RGS5: variants seen among roughly 807,000 people sequenced by gnomAD.
RGS5 encodes regulator of G protein signaling 5.
A neutral mutation model predicts 18.9 loss-of-function variants in RGS5; 20 were observed. That is an observed-to-expected ratio of 1.06 (90% CI 0.74 to 1.54). The LOEUF (loss-of-function observed/expected upper bound fraction) is 1.54. Ranked by LOEUF, RGS5 falls within the 40% of genes most tolerant of loss-of-function variation. The pLI, the probability that RGS5 is intolerant of heterozygous loss-of-function variation, is 0.00. For missense variants in RGS5, 201 were observed against 211.8 expected (o/e 0.95, Z 0.32); for synonymous variants, 57 against 76.2 (o/e 0.75, Z 1.31).
chr1:163,234,211 T>C (rs758358652), intron 2 of RGS5, among the ~76,000 whole-genome samples: 8 of 152,218 alleles, frequency 5.3e-5, no homozygotes, highest in Non-Finnish European at 1.2e-4. Flanking sequence ...ATAGATGTTC[T>C]TTACCAGATA....
At chr1:163,316,791 G>A (rs1650036838) in intron 1 of RGS5, among the ~76,000 whole-genome samples, 1 of 152,104 alleles carries the variant, frequency 6.6e-6, no homozygotes, top group Non-Finnish European at 1.5e-5. Flanking sequence ...TCAACAAAAA[G>A]AAAATTTCTT....
chr1:163,195,419 CA>C (rs1189305651), intron 1 of RGS5, among the ~76,000 whole-genome samples: 1 of 150,752 alleles, frequency 6.6e-6, no homozygotes, highest in Admixed American at 6.6e-5. Context: ...TGTGGGGAAT[CA>C]GGGGGCAAGG....
chr1:163,154,313 A>G (rs544311230), intron 3 of RGS5, among the ~76,000 whole-genome samples: 7 of 152,286 alleles, frequency 4.6e-5, no homozygotes, highest in South Asian at 4.1e-4. Context: ...TACCTCCTGT[A>G]TATTTTTACT....
rs957984895 is a variant in RGS5, at chr1:163,145,310, T to C, written c.*2032A>G. 2.6e-5 allele frequency: 4 copies of C among 152,208 alleles called. No individual in the cohort carries two copies. In the East Asian group the frequency reaches 5.8e-4, roughly 22 times the overall value. The allele number at this position is 152,208 out of a possible 1,614,324, so 9.4% of individuals were successfully genotyped here. ...CTTGAATTTTAAATAATTAAATTGTTTCTTCAAATGTTTTAGCGTTTATGA... is the reference window on the plus strand; with the variant it reads ...CTTGAATTTTAAATAATTAAATTGTCTCTTCAAATGTTTTAGCGTTTATGA... On this transcript the variant is annotated 3_prime_UTR_variant, in exon 5 of 5. Coordinates refer to ENST00000313961, the MANE Select transcript of RGS5 (RefSeq NM_003617.4).
In RGS5 at chr1:163,281,476, G is replaced by C. The variant is rs574038070; in HGVS notation, c.-281+24757C>G. Among the ~76,000 whole-genome samples the C allele has an allele frequency of 1.9e-4, 29 of 152,088 alleles. No individual in the cohort carries two copies. The South Asian group carries it at 2.1e-3, about 11-fold the overall frequency. On this transcript the variant is annotated intron_variant, in intron 2 of 5. Coordinates refer to the RGS5 transcript ENST00000618415. ...AGGAGCAAGAGAAAAGAGGACGAGG[G>C]GGCCAGCCAGGCTCCTTTAAACAAC...
chr1:163,207,121 C>A (rs952435174), upstream of RGS5, among the ~76,000 whole-genome samples: 2 of 152,036 alleles, frequency 1.3e-5, no homozygotes, highest in South Asian at 2.1e-4. Context: ...AAAGAGAAAA[C>A]CCTCTGATCA....
intron 2 of RGS5, among the ~76,000 whole-genome samples, chr1:163,293,498 C>G (rs1410978000): frequency 6.6e-6 from 1 of 152,168 alleles, no homozygotes; most frequent in Non-Finnish European, 1.5e-5. Context: ...CACCAGGTCC[C>G]TTCCTTGACA....
At chr1:163,250,392 T>C (rs1648074001) in intron 2 of RGS5, among the ~76,000 whole-genome samples, 1 of 152,206 alleles carries the variant, frequency 6.6e-6, no homozygotes, top group African/African-American at 2.4e-5. Context: ...ATGAATATTG[T>C]CTCAAATGTT....
intron 2 of RGS5, among the ~76,000 whole-genome samples, chr1:163,234,586 TTTATTCCTCCA>T (rs1170783271): frequency 1.3e-5 from 2 of 152,206 alleles, no homozygotes; most frequent in Non-Finnish European, 2.9e-5. Flanking sequence ...ATGGAATGGT[TTTATTCCTCCA>T]TAAAGATCAT....
intron 2 of RGS5, among the ~76,000 whole-genome samples, chr1:163,247,212 A>G (rs1647965472): frequency 6.6e-6 from 1 of 152,220 alleles, no homozygotes; most frequent in African/African-American, 2.4e-5. Context: ...ACAAATCTGC[A>G]CATGTTCCCC....
chr1:163,256,338 T>C (rs1211618554), intron 2 of RGS5, among the ~76,000 whole-genome samples: 1 of 151,896 alleles, frequency 6.6e-6, no homozygotes, highest in Non-Finnish European at 1.5e-5. Flanking sequence ...GAGAGCCAAA[T>C]CATGAGTGAA....
rs1222496935 is a variant in RGS5 at position 163,145,015 on chromosome 1, T to A, written c.*2327A>T. 6.6e-6 allele frequency: 1 copy of A among 152,168 alleles called. No homozygotes were observed. The highest frequency in any genetic ancestry group is 2.4e-5 in the African/African-American group (1 of 41,444). 9.4% of individuals were successfully genotyped at this position (152,168 alleles called of 1,614,324 possible). A position where few individuals can be genotyped will look rare whatever the true frequency, so the allele number is the denominator to read the frequency against. ...TATATGTAGATATATAGATATAATG[T>A]CACAATATCACTATAAGGCATTCCT... On this transcript the variant is annotated 3_prime_UTR_variant, in exon 5 of 5. Transcript: ENST00000313961.
At chr1:163,207,508 T>C (rs1256203204), upstream of RGS5, among the ~76,000 whole-genome samples, 1 of 152,192 alleles carries the variant, frequency 6.6e-6, no homozygotes, top group East Asian at 1.9e-4. Context: ...GCTTTAATTT[T>C]TTCCAGTGAC....
At chr1:163,313,267 T>G (rs982257781) in intron 1 of RGS5, among the ~76,000 whole-genome samples, 1 of 152,224 alleles carries the variant, frequency 6.6e-6, no homozygotes, top group Non-Finnish European at 1.5e-5. Context: ...GGGTAGAATA[T>G]GTGGTTAAAT....
At chr1:163,315,170 T>C (rs949671403) in intron 1 of RGS5, among the ~76,000 whole-genome samples, 4 of 152,172 alleles carry the variant, frequency 2.6e-5, no homozygotes, top group African/African-American at 9.7e-5. Context: ...TTAAGATCAG[T>C]ATTTTTCCTG....
At chr1:163,247,323 T>C (rs1000986612) in intron 2 of RGS5, among the ~76,000 whole-genome samples, 1 of 152,190 alleles carries the variant, frequency 6.6e-6, no homozygotes, top group East Asian at 1.9e-4. Context: ...AAATGAATTG[T>C]TGAGCTTTCA....
intron 1 of RGS5, among the ~76,000 whole-genome samples, chr1:163,214,750 G>T (rs1418616865): frequency 4.0e-5 from 6 of 151,888 alleles, no homozygotes; most frequent in Admixed American, 2.6e-4. Context: ...TTGTGTTATT[G>T]TTGCTATTTG....
chr1:163,317,924 T>C (rs1650071213), intron 1 of RGS5, among the ~76,000 whole-genome samples: 1 of 152,142 alleles, frequency 6.6e-6, no homozygotes, highest in East Asian at 1.9e-4. Context: ...CCATATTTGC[T>C]TGTTCATTAT....
intron 2 of RGS5, among the ~76,000 whole-genome samples, chr1:163,277,552 G>C (rs1281764273): frequency 6.6e-6 from 1 of 152,154 alleles, no homozygotes; most frequent in Non-Finnish European, 1.5e-5. Flanking sequence ...GGTGAAGAAA[G>C]CTAATTGAAA....
Sources: gnomAD v4.1 joint callset for allele counts (sites outside exome capture counted in the v4.1 genomes callset) on GRCh38, gnomAD v4.1.1 for gene constraint, MANE v1.5 for transcripts, NCBI Gene and HGNC (gene_info 2026-07-23, HGNC 2026-07-21) for gene names.